Variants in SGCZ observed in about 807,000 individuals in gnomAD.
SGCZ encodes the protein zeta-sarcoglycan.
In SGCZ, 40 loss-of-function variants were observed where a neutral mutation model predicts 41.3. The ratio of observed to expected loss-of-function variants is 0.97; its 90% CI spans 0.75 to 1.26. SGCZ has a LOEUF of 1.26. Among genes scored for constraint, SGCZ ranks in the 50% most tolerant of loss-of-function variants. The probability of loss-of-function intolerance (pLI) is 0.00; values close to 1 mark genes in which losing one functional copy is unlikely to be tolerated. For missense variants in SGCZ, 552 were observed against 369.8 expected (o/e 1.49, Z -4.04); for synonymous variants, 206 against 137.5 (o/e 1.50, Z -3.49).
chr8:14,967,913 C>A (rs750488532), intron 1 of SGCZ, among the ~76,000 whole-genome samples: 3 of 152,110 alleles, frequency 2.0e-5, no homozygotes, highest in Non-Finnish European at 4.4e-5. Context: ...GACAGTCACT[C>A]CTATTACACA....
rs549405549 is a variant in SGCZ at position 14,097,190 on chromosome 8, GTGTTGATTT to G, written c.744+5177_744+5185del. Among the ~76,000 whole-genome samples the G allele has an allele frequency of 2.9e-3, 446 of 152,184 alleles. 4 individuals are homozygous for G. Among genetic ancestry groups the G allele is most frequent in the African/African-American group, 0.01 (422 of 41,528 alleles). On this transcript the variant is annotated intron_variant, in intron 7 of 7. Transcript: ENST00000382080. Reference sequence around the variant, plus strand: ...TGGTTCTTTTAATTGTGATGTTAGGGTGTTGATTTTAGATCTTTCCTGCTTTCTCTTGTG... The same window carrying G: ...TGGTTCTTTTAATTGTGATGTTAGGGTAGATCTTTCCTGCTTTCTCTTGTG...
rs191040082 is a variant in SGCZ, at chr8:15,199,827, G to A, written c.39+37758C>T. ...AACCTATACTGTATTAAACCTTTGC[G>A]GAAAAAAATTTCTTGTTGAAATGGG... On this transcript the variant is annotated intron_variant, in intron 1 of 7. Transcript: ENST00000382080. 4.9e-4 allele frequency among the ~76,000 whole-genome samples: 74 copies of A among 152,116 alleles called. 1 individual carries two copies. Among genetic ancestry groups the A allele is most frequent in the African/African-American group, 1.4e-3 (57 of 41,518 alleles).
At position 14,144,529 on chromosome 8, in the gene SGCZ, G is replaced by A. The variant is rs138752596; in HGVS notation, c.547+20051C>T. On this transcript the variant is annotated intron_variant, in intron 5 of 7. Coordinates refer to ENST00000382080, the MANE Select transcript of SGCZ (RefSeq NM_139167.4). ...GAGATGTTGAGACATGGTGGCTTCAGGTGAGACTCAGTACTTTACCAGCTG... is the reference window on the plus strand; with the variant it reads ...GAGATGTTGAGACATGGTGGCTTCAAGTGAGACTCAGTACTTTACCAGCTG... Among the ~76,000 whole-genome samples the A allele has an allele frequency of 8.0e-3, 1,219 of 152,324 alleles. 15 individuals carry two copies. The highest frequency in any genetic ancestry group is 0.013 in the Non-Finnish European group (853 of 68,024).
intron 1 of SGCZ, among the ~76,000 whole-genome samples, chr8:15,191,720 A>T (rs1038211841): frequency 6.6e-6 from 1 of 152,006 alleles, no homozygotes; most frequent in African/African-American, 2.4e-5. Flanking sequence ...AGCATGTACA[A>T]ATAATATGCT....
intron 2 of SGCZ, among the ~76,000 whole-genome samples, chr8:14,391,944 G>A (rs1272996647): frequency 1.3e-5 from 2 of 151,964 alleles, no homozygotes; most frequent in African/African-American, 4.8e-5. Flanking sequence ...TGCAAGGACA[G>A]TACAAACGGG....
At chr8:14,978,032 C>CAT (rs1300409406) in intron 1 of SGCZ, among the ~76,000 whole-genome samples, 1 of 151,964 alleles carries the variant, frequency 6.6e-6, no homozygotes, top group Non-Finnish European at 1.5e-5. Flanking sequence ...CTGTTGACCT[C>CAT]ATATTTATAG....
intron 5 of SGCZ, among the ~76,000 whole-genome samples, chr8:14,137,508 T>C (rs1391094250): frequency 6.6e-6 from 1 of 152,018 alleles, no homozygotes; most frequent in Admixed American, 6.6e-5. Flanking sequence ...GCTGAAACAA[T>C]GGCATGAGAA....
At chr8:15,020,191 G>T (rs555555397) in intron 1 of SGCZ, among the ~76,000 whole-genome samples, 7 of 152,162 alleles carry the variant, frequency 4.6e-5, no homozygotes, top group African/African-American at 1.4e-4. Context: ...ACCCCAAAAG[G>T]CTTTCCAAGT....
chr8:14,364,712 A>G (rs1803637664), intron 2 of SGCZ, among the ~76,000 whole-genome samples: 1 of 151,842 alleles, frequency 6.6e-6, no homozygotes. Flanking sequence ...ATTTATTGTC[A>G]TTTTCTCATT....
At chr8:14,685,360 G>A (rs113359222) in intron 1 of SGCZ, among the ~76,000 whole-genome samples, 226 of 152,194 alleles carry the variant, frequency 1.5e-3, no homozygotes, top group African/African-American at 5.1e-3. Flanking sequence ...AAAGATAGAA[G>A]TCTAGCTTGA....
At chr8:14,097,109 A>G (rs188017177) in intron 7 of SGCZ, among the ~76,000 whole-genome samples, 1 of 151,840 alleles carries the variant, frequency 6.6e-6, no homozygotes, top group African/African-American at 2.4e-5. Context: ...TTCTGCTCTG[A>G]TCATAGTCAT....
At chr8:15,129,188 G>A (rs945154538) in intron 1 of SGCZ, among the ~76,000 whole-genome samples, 1 of 152,116 alleles carries the variant, frequency 6.6e-6, no homozygotes, top group Non-Finnish European at 1.5e-5. Context: ...TAACTGAAGT[G>A]GCTGACTTTT....
At chr8:14,340,952 C>T (rs561615200) in intron 2 of SGCZ, among the ~76,000 whole-genome samples, 3 of 152,106 alleles carry the variant, frequency 2.0e-5, no homozygotes, top group Non-Finnish European at 4.4e-5. Flanking sequence ...AATCCCCTCT[C>T]CCCCAGCCCC....
At chr8:15,139,446 T>C (rs757012811) in intron 1 of SGCZ, among the ~76,000 whole-genome samples, 3 of 152,168 alleles carry the variant, frequency 2.0e-5, no homozygotes, top group African/African-American at 4.8e-5. Flanking sequence ...TTTCAGAAGG[T>C]CAATTACCTA....
chr8:14,608,868 C>A (rs1805839452), intron 1 of SGCZ, among the ~76,000 whole-genome samples: 1 of 151,968 alleles, frequency 6.6e-6, no homozygotes. Flanking sequence ...AAAAAAAGGT[C>A]CAACTTTTTC....
intron 1 of SGCZ, among the ~76,000 whole-genome samples, chr8:14,952,938 C>T (rs981652090): frequency 6.6e-6 from 1 of 152,096 alleles, no homozygotes; most frequent in Non-Finnish European, 1.5e-5. Context: ...GAAATCAACA[C>T]TGCAAAATTC....
intron 2 of SGCZ, among the ~76,000 whole-genome samples, chr8:14,471,071 A>G (rs952864002): frequency 6.6e-6 from 1 of 152,252 alleles, no homozygotes; most frequent in African/African-American, 2.4e-5. Flanking sequence ...TCAGCCAGAC[A>G]CTTTAATTAC....
At chr8:14,885,988 TATATATATA>T (rs1563339051) in intron 1 of SGCZ, among the ~76,000 whole-genome samples, 3 of 13,234 alleles carry the variant, frequency 2.3e-4, no homozygotes, top group South Asian at 6.6e-3. Flanking sequence ...CTTTATGTTA[TATATATATA>T]TATATATATA....
At chr8:14,495,310 A>G (rs1801958456) in intron 2 of SGCZ, among the ~76,000 whole-genome samples, 1 of 152,220 alleles carries the variant, frequency 6.6e-6, no homozygotes, top group South Asian at 2.1e-4. Flanking sequence ...TCAATACATT[A>G]CTTCTTTCAT....
Sources: allele counts gnomAD v4.1 joint callset (sites outside exome capture counted in the v4.1 genomes callset), GRCh38; gene constraint gnomAD v4.1.1; transcripts MANE v1.5; gene names NCBI Gene and HGNC (gene_info 2026-07-23, HGNC 2026-07-21).